UNC80: variants seen among roughly 807,000 people sequenced by gnomAD.
UNC80 encodes the protein unc-80 subunit of NALCN channel complex.
A neutral mutation model predicts 384.6 loss-of-function variants in UNC80; 164 were observed. That is an observed-to-expected ratio of 0.43 (90% confidence interval 0.38 to 0.49). The LOEUF is 0.49. Ranked by LOEUF, UNC80 falls within the 20% of genes least tolerant of loss-of-function variation. The pLI, the probability that UNC80 is intolerant of heterozygous loss-of-function variation, is 0.00. For missense variants in UNC80, 3,330 were observed against 4,143.0 expected, an observed-to-expected ratio of 0.80 and a Z score of 5.39; for synonymous variants, 1,486 against 1,527.8, an observed-to-expected ratio of 0.97 and a Z score of 0.64.
intron 27 of UNC80, 30 bp downstream of exon 27, chr2:209,894,396 C>A (rs1156555443): frequency 1.0e-6 from 1 of 980,272 alleles, no homozygotes; most frequent in Non-Finnish European, 1.2e-6. Context: ...TGTGCAGGGA[C>A]GTGGGGGGTA....
rs146121509 is a variant in UNC80, at chr2:209,856,747, G to T, written c.3627+7124G>T. 1.1e-3 allele frequency among the ~76,000 whole-genome samples: 162 copies of T among 150,432 alleles called. 1 individual carries two copies. Among genetic ancestry groups the T allele is most frequent in the African/African-American group, 3.6e-3 (147 of 40,814 alleles). On this transcript the variant is annotated intron_variant, in intron 22 of 64. Transcript: ENST00000673920. Reference sequence around the variant, plus strand: ...TAAGCATGATGTAATTCTGGGTTTTGGTTTTTTTGTTTACTTATTTATTTA... The same window carrying T: ...TAAGCATGATGTAATTCTGGGTTTTTGTTTTTTTGTTTACTTATTTATTTA...
intron 28 of UNC80, among the ~76,000 whole-genome samples, chr2:209,897,003 G>C (rs1284597687): frequency 2.0e-5 from 3 of 152,074 alleles, no homozygotes; most frequent in Non-Finnish European, 4.4e-5. Flanking sequence ...GTATCCCCAG[G>C]ACCATCACGG....
chr2:209,912,742 G>A, intron 30 of UNC80, 75 bp downstream of exon 30: 1 of 1,014,442 alleles, frequency 9.9e-7, no homozygotes, highest in Non-Finnish European at 1.5e-6. Flanking sequence ...ATTTACTAAT[G>A]TTTGGGACAT....
intron 29 of UNC80, among the ~76,000 whole-genome samples, chr2:209,905,914 G>A (rs555523633): frequency 1.3e-3 from 202 of 152,292 alleles, no homozygotes; most frequent in African/African-American, 4.6e-3. Context: ...CTGAACAGGC[G>A]TCACAGCCAA....
At position 209,820,582 on chromosome 2, in the gene UNC80, G is replaced by C. The variant is rs1380904876; in HGVS notation, c.2234G>C (p.Gly745Ala). Reference protein sequence around the residue: ...SGAGDGGGEEGGGGDGGGGGG... With the variant: ...SGAGDGGGEEAGGGDGGGGGG... The stretch of plus-strand genomic sequence containing the variant: ...GCTGGAGATGGTGGAGGAGAAGAAG[G>C]AGGAGGTGGAGATGGAGGAGGTGGA... Residue 745 changes from glycine (G) to alanine (A), a missense_variant, in exon 13 of 65, where the codon GGA becomes GCA. Physicochemically the swap from Gly to Ala is moderately conservative, Grantham distance 60. Coordinates refer to ENST00000673920, the MANE Select transcript of UNC80 (RefSeq NM_001371986.1). 3.9e-6 allele frequency: 6 copies of C among 1,551,564 alleles called. No individual in the cohort carries two copies. In the East Asian group the frequency reaches 1.5e-4, roughly 38 times the overall value.
Position 209,912,677 on chromosome 2 carries a change from C to T in UNC80, c.4890+10C>T. Reference sequence around the variant, plus strand: ...GTACATCAGACTTCAGGTATTGTTACCTGGATCAGAAGGATTCATGGAACT... The same window carrying T: ...GTACATCAGACTTCAGGTATTGTTATCTGGATCAGAAGGATTCATGGAACT... On this transcript the variant is annotated intron_variant, in intron 30 of 64. Transcript: ENST00000673920. 4 of 1,535,288 alleles carry T rather than the reference C, an allele frequency of 2.6e-6. No homozygotes were observed. The highest frequency in any genetic ancestry group is 2.6e-6 in the Non-Finnish European group (3 of 1,133,384).
chr2:209,912,627 G>A lies in UNC80; in HGVS notation c.4850G>A (p.Gly1617Glu), dbSNP rs1574989335. The A allele has an allele frequency of 6.4e-7, 1 of 1,551,268 alleles. No individual in the cohort carries two copies. Among genetic ancestry groups the A allele is most frequent in the Non-Finnish European group, 8.7e-7 (1 of 1,146,798 alleles). The change falls in exon 30 of 65, where the codon GGA becomes GAA. Residue 1617 changes from glycine (G) to glutamate (E), a missense_variant. Physicochemically the swap from Gly to Glu is moderately conservative, Grantham distance 98. Transcript: ENST00000673920. ...KKRVSDANLE[G>E]KKDSGMLKYI... ...AGAGTTTCAGATGCCAATCTGGAAG[G>A]AAAAAAAGATTCCGGAATGCTGAAG... is the stretch of plus-strand genomic sequence containing the variant.
At chr2:209,803,570 A>G (rs2078693654) in intron 7 of UNC80, among the ~76,000 whole-genome samples, 3 of 152,260 alleles carry the variant, frequency 2.0e-5, no homozygotes, top group East Asian at 1.9e-4. Context: ...ATGTCAGTAT[A>G]TGCCACCATT....
At chr2:209,950,346 T>A (rs908676808) in intron 47 of UNC80, among the ~76,000 whole-genome samples, 14 of 151,856 alleles carry the variant, frequency 9.2e-5, no homozygotes, top group African/African-American at 1.2e-4. Flanking sequence ...AAAAAAAAAA[T>A]TTTAATGACT....
At chr2:209,930,500 A>T (rs1419160686) in intron 37 of UNC80, among the ~76,000 whole-genome samples, 1 of 152,178 alleles carries the variant, frequency 6.6e-6, no homozygotes, top group Non-Finnish European at 1.5e-5. Context: ...AATTATAGAC[A>T]TTTCAATCTA....
chr2:209,789,404 G>A lies in UNC80; in HGVS notation c.725-128G>A, dbSNP rs372975144. On this transcript the variant is annotated intron_variant, in intron 5 of 64. Coordinates refer to ENST00000673920, the MANE Select transcript of UNC80 (RefSeq NM_001371986.1). The stretch of plus-strand genomic sequence containing the variant: ...TATTTGAATATCTCTTACAATATGC[G>A]TTAATGTCTTCTTTTAAAGTAATAA... 2,375 of 655,586 alleles carry A rather than the reference G, an allele frequency of 3.6e-3. 6 individuals are homozygous for A. Among genetic ancestry groups the A allele is most frequent in the African/African-American group, 6.7e-3 (363 of 54,424 alleles). 40.6% of individuals were successfully genotyped at this position (655,586 alleles called of 1,614,324 possible).
intron 63 of UNC80, among the ~76,000 whole-genome samples, chr2:209,993,787 G>C (rs2093435670): frequency 6.6e-6 from 1 of 152,182 alleles, no homozygotes; most frequent in Non-Finnish European, 1.5e-5. Flanking sequence ...CCTGTTGGCA[G>C]TTGTTATGAG....
chr2:209,982,067 C>T (rs2093170129), intron 59 of UNC80, 112 bp from the exon 60 acceptor site: 1 of 1,016,950 alleles, frequency 9.8e-7, no homozygotes, highest in Non-Finnish European at 1.4e-6. Flanking sequence ...TAGATTTACA[C>T]ACAGCCCTAA....
chr2:209,945,619 A>C (rs1304214214), intron 46 of UNC80, among the ~76,000 whole-genome samples: 1 of 152,206 alleles, frequency 6.6e-6, no homozygotes, highest in Non-Finnish European at 1.5e-5. Context: ...AGATTTTTTT[A>C]AACACTCCAG....
intron 25 of UNC80, among the ~76,000 whole-genome samples, chr2:209,885,078 A>T (rs13033280): frequency 6.6e-6 from 1 of 151,872 alleles, no homozygotes. Context: ...AATTCTTTTT[A>T]AAAAAAGAAA....
chr2:209,879,846 C>T (rs529620694), intron 24 of UNC80, among the ~76,000 whole-genome samples: 1 of 149,626 alleles, frequency 6.7e-6, no homozygotes, highest in African/African-American at 2.5e-5. Flanking sequence ...CAAATTAACT[C>T]AGGAGAGAAA....
chr2:209,910,251 C>T (rs937878497), intron 29 of UNC80, among the ~76,000 whole-genome samples: 1 of 149,880 alleles, frequency 6.7e-6, no homozygotes, highest in Non-Finnish European at 1.5e-5. Flanking sequence ...ATCTTGTAGT[C>T]CAGTGAAATC....
chr2:209,975,832 A>G (rs895023470), intron 56 of UNC80, among the ~76,000 whole-genome samples: 4 of 152,168 alleles, frequency 2.6e-5, no homozygotes, highest in African/African-American at 9.7e-5. Context: ...TTTCCTTTCA[A>G]TTCAGTGGAC....
intron 49 of UNC80, among the ~76,000 whole-genome samples, 155 bp downstream of exon 49, chr2:209,957,891 A>G (rs1185091300): frequency 6.6e-6 from 1 of 152,188 alleles, no homozygotes; most frequent in Non-Finnish European, 1.5e-5. Flanking sequence ...GTTACAAGAA[A>G]ATACCAAGGC....
Sources: gnomAD v4.1 joint callset for allele counts (sites outside exome capture counted in the v4.1 genomes callset) on GRCh38, gnomAD v4.1.1 for gene constraint, MANE v1.5 for transcripts, NCBI Gene and HGNC (gene_info 2026-07-23, HGNC 2026-07-21) for gene names.